The following RFWD3 variants were observed in gnomAD, a reference collection of about 807,000 sequenced individuals.
RFWD3 encodes the protein ring finger and WD repeat domain 3.
Under a neutral mutation model 87.7 loss-of-function variants are expected in RFWD3, and 65 were observed. The observed-to-expected ratio is 0.74, with a 90% CI of 0.61 to 0.91. RFWD3 has a LOEUF of 0.91. Among genes scored for constraint, RFWD3 ranks in the 40% least tolerant of loss-of-function variants. The pLI, the probability that RFWD3 is intolerant of heterozygous loss-of-function variation, is 0.00. For synonymous variants in RFWD3, 433 were observed against 352.8 expected, an observed-to-expected ratio of 1.23 and a Z score of -2.55; for missense variants, 1,078 against 938.5, an observed-to-expected ratio of 1.15 and a Z score of -1.94.
intron 10 of RFWD3, among the ~76,000 whole-genome samples, 172 bp downstream of exon 10, chr16:74,630,609 C>T (rs1205818675): frequency 6.6e-6 from 1 of 152,226 alleles, no homozygotes; most frequent in Non-Finnish European, 1.5e-5. Flanking sequence ...AGCATGAATA[C>T]AAACTCTTAT....
At position 74,636,560 on chromosome 16, in the gene RFWD3, C is replaced by T. The variant is rs4888262; in HGVS notation, c.1212G>A (p.Thr404=). 849,936 of 1,611,680 alleles carry T rather than the reference C, an allele frequency of 0.53. 229,707 individuals are homozygous for T. The highest frequency in any genetic ancestry group is 0.77 in the African/African-American group (57,828 of 74,902). Residue 404 remains threonine, a synonymous_variant, in exon 8 of 13, where the codon ACG becomes ACA. Transcript: ENST00000361070. ...QRRVQDLQKL[T]SHQSQNLQQP... ...GCTGTAAATTCTGACTTTGATGTGA[C>T]GTAAGTTTTTGCAAGTCCTAAAATG... is the stretch of plus-strand genomic sequence containing the variant.
chr16:74,649,294 C>G, intron 3 of RFWD3, 92 bp from the exon 4 acceptor site: 1 of 808,672 alleles, frequency 1.2e-6, no homozygotes, highest in Non-Finnish European at 2.0e-6. Flanking sequence ...GCCTGACTCA[C>G]TACAGCTTCC....
At chr16:74,631,504 C>T (rs1378734883) in intron 9 of RFWD3, among the ~76,000 whole-genome samples, 1 of 150,804 alleles carries the variant, frequency 6.6e-6, no homozygotes, top group African/African-American at 2.4e-5. Flanking sequence ...ATAACCCAAC[C>T]AACACTCTGG....
intron 1 of RFWD3, chr16:74,665,291 AG>A (rs1364185160): frequency 1.3e-5 from 2 of 152,520 alleles, no homozygotes; most frequent in Non-Finnish European, 2.9e-5. Context: ...CTACCAAAAA[AG>A]AAAAATAGAA....
chr16:74,658,804 G>C (rs1032840343), intron 2 of RFWD3, among the ~76,000 whole-genome samples: 4 of 137,924 alleles, frequency 2.9e-5, no homozygotes, highest in Non-Finnish European at 6.2e-5. Flanking sequence ...AGTCACTCTT[G>C]TCACCCAGGC....
At chr16:74,628,972 G>A (rs545789121) in intron 10 of RFWD3, among the ~76,000 whole-genome samples, 13 of 151,604 alleles carry the variant, frequency 8.6e-5, no homozygotes, top group African/African-American at 3.1e-4. Flanking sequence ...TGAAGCTTCT[G>A]GAAATGGGTT....
chr16:74,646,727 A>C (rs1009319383), intron 4 of RFWD3, among the ~76,000 whole-genome samples: 1 of 152,082 alleles, frequency 6.6e-6, no homozygotes, highest in Non-Finnish European at 1.5e-5. Flanking sequence ...TGGAAAGAAA[A>C]GAATTAACTC....
At chr16:74,632,175 G>A (rs534492740) in intron 9 of RFWD3, among the ~76,000 whole-genome samples, 44 of 151,836 alleles carry the variant, frequency 2.9e-4, no homozygotes, top group African/African-American at 1.1e-3. Flanking sequence ...CGGATCATGA[G>A]GTCAGGAGAT....
chr16:74,624,989 A>AAAAC (rs1044898621), intron 12 of RFWD3, among the ~76,000 whole-genome samples: 6 of 152,020 alleles, frequency 3.9e-5, no homozygotes, highest in South Asian at 2.1e-4. Flanking sequence ...CTGTCACTTA[A>AAAAC]AAACAAACAA....
intron 4 of RFWD3, among the ~76,000 whole-genome samples, chr16:74,647,678 G>A (rs1417532034): frequency 6.6e-6 from 1 of 152,144 alleles, no homozygotes; most frequent in East Asian, 1.9e-4. Flanking sequence ...TGCAACTTCT[G>A]CCTCCCAGGT....
At chr16:74,659,704 G>A (rs570913355) in intron 2 of RFWD3, among the ~76,000 whole-genome samples, 3 of 152,268 alleles carry the variant, frequency 2.0e-5, no homozygotes, top group South Asian at 4.1e-4. Context: ...CCACAGTCAT[G>A]GCAAGCCCCA....
intron 2 of RFWD3, among the ~76,000 whole-genome samples, chr16:74,653,550 C>T (rs538795958): frequency 8.6e-5 from 13 of 151,874 alleles, no homozygotes; most frequent in African/African-American, 2.7e-4. Flanking sequence ...TGGTGGCTTA[C>T]GCCTATAATC....
In RFWD3 at chr16:74,623,675, T is replaced by A; in HGVS notation, c.*253A>T. On this transcript the variant is annotated 3_prime_UTR_variant, in exon 13 of 13. Transcript: ENST00000361070. Reference sequence around the variant, plus strand: ...AGAATTTCCAACATACAATAATGGTTAATGAAGGCTTTAAACCCAAGAAAT... The same window carrying A: ...AGAATTTCCAACATACAATAATGGTAAATGAAGGCTTTAAACCCAAGAAAT... 2.6e-6 allele frequency: 1 copy of A among 377,622 alleles called. No homozygotes were observed. The highest frequency in any genetic ancestry group is 4.7e-6 in the Non-Finnish European group (1 of 211,792). The allele number at this position is 377,622 out of a possible 1,614,324, so 23.4% of individuals were successfully genotyped here.
chr16:74,666,251 T>C (rs1597468083), intron 1 of RFWD3: 1 of 152,248 alleles, frequency 6.6e-6, no homozygotes, highest in African/African-American at 2.4e-5. Context: ...ATTAAATCCC[T>C]GTTCTTTTAC....
At chr16:74,628,298 G>C (rs1958993790) in intron 11 of RFWD3, among the ~76,000 whole-genome samples, 154 bp downstream of exon 11, 1 of 152,138 alleles carries the variant, frequency 6.6e-6, no homozygotes, top group Non-Finnish European at 1.5e-5. Flanking sequence ...GGAGCTTGGA[G>C]CCACCATACT....
intron 4 of RFWD3, among the ~76,000 whole-genome samples, chr16:74,645,560 C>T (rs1274663252): frequency 2.6e-5 from 4 of 152,084 alleles, no homozygotes; most frequent in Admixed American, 2.0e-4. Flanking sequence ...ACCATGTTGG[C>T]CGGGCTGGTC....
Position 74,636,610 on chromosome 16 carries a change from T to C in RFWD3, c.1195-33A>G, listed in dbSNP as rs540343029. The stretch of plus-strand genomic sequence containing the variant: ...GAAAAAGATTTTATAAATACAAAGC[T>C]TTTTAATTTGATATTCCCCTCAAAT... On this transcript the variant is annotated intron_variant, in intron 7 of 12. Coordinates refer to ENST00000361070, the MANE Select transcript of RFWD3 (RefSeq NM_018124.4). 5.4e-6 allele frequency: 8 copies of C among 1,494,780 alleles called. No individual in the cohort carries two copies. In the South Asian group the frequency reaches 9.5e-5, roughly 18 times the overall value. The allele number at this position is 1,494,780 out of a possible 1,614,324, so 92.6% of individuals were successfully genotyped here. A position where few individuals can be genotyped will look rare whatever the true frequency, so the allele number is the denominator to read the frequency against.
chr16:74,665,435 G>C (rs1320078660), intron 1 of RFWD3, among the ~76,000 whole-genome samples: 2 of 151,982 alleles, frequency 1.3e-5, no homozygotes, highest in Non-Finnish European at 2.9e-5. Context: ...AAAACTACCC[G>C]GGTGTGGTGG....
intron 4 of RFWD3, among the ~76,000 whole-genome samples, chr16:74,647,311 G>A (rs1239891612): frequency 6.6e-6 from 1 of 151,300 alleles, no homozygotes; most frequent in Non-Finnish European, 1.5e-5. Context: ...TTTTTGACAT[G>A]GAGTCTTGGT....
Sources: allele counts gnomAD v4.1 joint callset (sites outside exome capture counted in the v4.1 genomes callset), GRCh38; gene constraint gnomAD v4.1.1; transcripts MANE v1.5; gene names NCBI Gene and HGNC (gene_info 2026-07-23, HGNC 2026-07-21).